Variants in IMMP2L observed in about 807,000 individuals in gnomAD.
IMMP2L encodes mitochondrial inner membrane protease subunit 2.
Under a neutral mutation model 19.3 loss-of-function variants are expected in IMMP2L, and 18 were observed. The observed-to-expected ratio is 0.93, with a 90% CI of 0.64 to 1.38. The LOEUF (loss-of-function observed/expected upper bound fraction) is 1.38, where lower values mean the gene tolerates loss of function less well. IMMP2L is among the 40% of genes most tolerant of loss of function. IMMP2L has a pLI of 0.00. For missense variants in IMMP2L, 233 were observed against 218.2 expected, an observed-to-expected ratio of 1.07 and a Z score of -0.43; for synonymous variants, 76 against 73.0, an observed-to-expected ratio of 1.04 and a Z score of -0.21.
At chr7:110,677,672 T>A (rs1017692043) in intron 5 of IMMP2L, among the ~76,000 whole-genome samples, 1 of 151,894 alleles carries the variant, frequency 6.6e-6, no homozygotes, top group African/African-American at 2.4e-5. Context: ...CAAAGAACTA[T>A]GCTGAAGGCA....
chr7:110,793,248 C>T (rs923010761), intron 5 of IMMP2L, among the ~76,000 whole-genome samples: 10 of 151,862 alleles, frequency 6.6e-5, no homozygotes, highest in Non-Finnish European at 8.8e-5. Context: ...GGTGAAACTC[C>T]GTCTCTACTA....
intron 3 of IMMP2L, among the ~76,000 whole-genome samples, chr7:111,458,546 CT>C (rs1839875768): frequency 6.6e-6 from 1 of 152,074 alleles, no homozygotes; most frequent in South Asian, 2.1e-4. Context: ...TCTGCCTCTG[CT>C]CTACTTCCCT....
chr7:110,699,710 G>A (rs1794127137), intron 5 of IMMP2L, among the ~76,000 whole-genome samples: 1 of 150,450 alleles, frequency 6.6e-6, no homozygotes, highest in Non-Finnish European at 1.5e-5. Context: ...GAAGGTTGCA[G>A]TGAGCTGAGA....
intron 5 of IMMP2L, among the ~76,000 whole-genome samples, chr7:110,666,375 C>T (rs935190732): frequency 2.6e-5 from 4 of 151,990 alleles, no homozygotes; most frequent in Non-Finnish European, 4.4e-5. Flanking sequence ...CCTGGGGTCA[C>T]GCCATTCTCC....
At chr7:111,456,574 A>C (rs1839691661) in intron 3 of IMMP2L, among the ~76,000 whole-genome samples, 1 of 152,146 alleles carries the variant, frequency 6.6e-6, no homozygotes, top group African/African-American at 2.4e-5. Flanking sequence ...AAAATATTCT[A>C]AATATTTATG....
At chr7:110,887,782 A>G (rs528601838) in intron 4 of IMMP2L, among the ~76,000 whole-genome samples, 21 of 151,856 alleles carry the variant, frequency 1.4e-4, no homozygotes, top group Admixed American at 5.9e-4. Context: ...AAGCTCAGGA[A>G]AACGCCTGGC....
chr7:111,502,103 C>T (rs1224922902), intron 2 of IMMP2L, among the ~76,000 whole-genome samples: 1 of 151,692 alleles, frequency 6.6e-6, no homozygotes, highest in East Asian at 1.9e-4. Context: ...CACATAGGCT[C>T]AAAATAAAGG....
chr7:110,899,843 C>G (rs555210064), intron 4 of IMMP2L, among the ~76,000 whole-genome samples: 4 of 152,232 alleles, frequency 2.6e-5, no homozygotes, highest in Non-Finnish European at 4.4e-5. Flanking sequence ...TATTTTGTGC[C>G]TTGTAGAACT....
chr7:110,827,425 T>C (rs958213871), intron 5 of IMMP2L, among the ~76,000 whole-genome samples: 2 of 152,188 alleles, frequency 1.3e-5, no homozygotes, highest in Non-Finnish European at 2.9e-5. Flanking sequence ...GGGATTATAA[T>C]ATACCTTCAC....
intron 5 of IMMP2L, among the ~76,000 whole-genome samples, chr7:110,804,277 C>T (rs1206760134): frequency 6.6e-6 from 1 of 151,956 alleles, no homozygotes; most frequent in African/African-American, 2.4e-5. Context: ...ATGAAAAATT[C>T]TGTGTGGCAT....
chr7:110,670,116 G>T (rs1791789160), intron 5 of IMMP2L, among the ~76,000 whole-genome samples: 1 of 152,078 alleles, frequency 6.6e-6, no homozygotes, highest in Non-Finnish European at 1.5e-5. Context: ...GAGGCCTGAA[G>T]GCAACCGGAT....
chr7:111,491,667 GA>G (rs1448357265), intron 2 of IMMP2L, among the ~76,000 whole-genome samples: 1 of 152,104 alleles, frequency 6.6e-6, no homozygotes, highest in Non-Finnish European at 1.5e-5. Context: ...ATTAAAAGGT[GA>G]GCTTTCACAA....
At chr7:110,879,025 C>A (rs966512539) in intron 5 of IMMP2L, among the ~76,000 whole-genome samples, 1 of 152,086 alleles carries the variant, frequency 6.6e-6, no homozygotes, top group African/African-American at 2.4e-5. Context: ...TATTAGGGGA[C>A]GATCTAATAT....
chr7:110,910,778 C>T (rs1173989745), intron 4 of IMMP2L, among the ~76,000 whole-genome samples: 2 of 152,104 alleles, frequency 1.3e-5, no homozygotes, highest in East Asian at 1.9e-4. Context: ...ATATGTGAGA[C>T]CTGATAATTC....
At chr7:111,198,875 A>G (rs1474592277) in intron 3 of IMMP2L, among the ~76,000 whole-genome samples, 1 of 152,144 alleles carries the variant, frequency 6.6e-6, no homozygotes, top group Non-Finnish European at 1.5e-5. Flanking sequence ...AACTTCTTCA[A>G]TATTTACCAA....
At chr7:110,665,101 A>G (rs1241616129) in intron 5 of IMMP2L, 1 of 152,236 alleles carries the variant, frequency 6.6e-6, no homozygotes. Flanking sequence ...CAAACTAAAT[A>G]TTCACGAAGG....
intron 3 of IMMP2L, among the ~76,000 whole-genome samples, chr7:110,985,706 GT>G (rs1418868657): frequency 6.6e-6 from 1 of 152,070 alleles, no homozygotes; most frequent in African/African-American, 2.4e-5. Flanking sequence ...AAGTTCTTCA[GT>G]TTTCCCCCTC....
rs780075505 is a variant in IMMP2L, at chr7:110,663,649, A to C, written c.481T>G (p.Ser161Ala). 43 of 1,611,874 alleles carry C rather than the reference A, an allele frequency of 2.7e-5. No homozygotes were observed. Among genetic ancestry groups the C allele is most frequent in the Non-Finnish European group, 3.6e-5 (43 of 1,178,644 alleles). The change falls in exon 6 of 6, where the codon TCT becomes GCT. Residue 161 changes from serine (S) to alanine (A), a missense_variant. Transcript: ENST00000405709. ...WPPERWQKLE[S>A]VLPPERLPVQ... Reference sequence around the variant, plus strand: ...GGTAAGCGCTCTGGAGGAAGAACAGATTCCAATTTCTGCCAGCGCTCTGGG... The same window carrying C: ...GGTAAGCGCTCTGGAGGAAGAACAGCTTCCAATTTCTGCCAGCGCTCTGGG...
At chr7:111,268,338 G>T (rs1014769676) in intron 3 of IMMP2L, among the ~76,000 whole-genome samples, 3 of 151,872 alleles carry the variant, frequency 2.0e-5, no homozygotes, top group Non-Finnish European at 4.4e-5. Context: ...ATAGAAAAGG[G>T]AGGCAGGAGT....
Sources: gnomAD v4.1 joint callset for allele counts (sites outside exome capture counted in the v4.1 genomes callset) on GRCh38, gnomAD v4.1.1 for gene constraint, MANE v1.5 for transcripts, NCBI Gene and HGNC (gene_info 2026-07-23, HGNC 2026-07-21) for gene names.